Variants in NLGN1 observed in about 807,000 individuals in gnomAD.
The protein encoded by NLGN1 is neuroligin-1.
A neutral mutation model predicts 65.5 loss-of-function variants in NLGN1; 12 were observed. The observed-to-expected ratio is 0.18, with a 90% confidence interval of 0.12 to 0.30. The LOEUF (loss-of-function observed/expected upper bound fraction) is 0.30, where lower values mean the gene tolerates loss of function less well. Ranked by LOEUF, NLGN1 falls within the 10% of genes least tolerant of loss-of-function variation. The probability of loss-of-function intolerance (pLI) is 1.00; values close to 1 mark genes in which losing one functional copy is unlikely to be tolerated. For synonymous variants in NLGN1, 350 were observed against 359.5 expected (o/e 0.97, Z 0.30); for missense variants, 750 against 1,007.1 (o/e 0.74, Z 3.46).
chr3:173,939,647 A>G (rs886823098), intron 4 of NLGN1, among the ~76,000 whole-genome samples: 23 of 152,300 alleles, frequency 1.5e-4, no homozygotes, highest in Admixed American at 2.6e-4. Flanking sequence ...TGGTTTTCAT[A>G]TCCACTTTTC....
chr3:173,478,914 A>G (rs1160134374), intron 2 of NLGN1, among the ~76,000 whole-genome samples: 1 of 150,870 alleles, frequency 6.6e-6, no homozygotes, highest in Non-Finnish European at 1.5e-5. Flanking sequence ...AAAGAAAAAG[A>G]AAAAGAAAGA....
chr3:173,753,185 C>A (rs1469538799), intron 3 of NLGN1, among the ~76,000 whole-genome samples: 1 of 152,098 alleles, frequency 6.6e-6, no homozygotes, highest in African/African-American at 2.4e-5. Flanking sequence ...AGACTCCTGG[C>A]TTTAAATACT....
chr3:173,730,334 G>A (rs909880503), intron 3 of NLGN1, among the ~76,000 whole-genome samples: 4 of 68,356 alleles, frequency 5.9e-5, no homozygotes, highest in Admixed American at 1.5e-4. Flanking sequence ...CCCCCCCCCC[G>A]CAAAAATAGA....
intron 3 of NLGN1, among the ~76,000 whole-genome samples, chr3:173,747,801 C>CTTCTTTT (rs1775714048): frequency 1.6e-5 from 1 of 64,424 alleles, no homozygotes; most frequent in African/African-American, 6.2e-5. Context: ...TCTTCTTGTT[C>CTTCTTTT]TTTTTTTTTT....
intron 3 of NLGN1, among the ~76,000 whole-genome samples, chr3:173,750,145 C>T (rs1481305152): frequency 6.6e-6 from 1 of 152,042 alleles, no homozygotes; most frequent in Non-Finnish European, 1.5e-5. Flanking sequence ...TCGCCCTGTA[C>T]CAAAGCAATC....
intron 4 of NLGN1, among the ~76,000 whole-genome samples, chr3:173,862,706 G>A (rs895986599): frequency 6.6e-6 from 1 of 151,874 alleles, no homozygotes; most frequent in Admixed American, 6.6e-5. Flanking sequence ...TCTTTGTATT[G>A]TTTATATAAA....
At chr3:173,476,470 A>G (rs1392834203) in intron 2 of NLGN1, among the ~76,000 whole-genome samples, 3 of 152,186 alleles carry the variant, frequency 2.0e-5, no homozygotes, top group East Asian at 1.9e-4. Flanking sequence ...TTTGGTATAT[A>G]TGAGCCCATT....
intron 4 of NLGN1, among the ~76,000 whole-genome samples, chr3:174,015,605 A>G (rs1275993904): frequency 6.6e-6 from 1 of 152,158 alleles, no homozygotes; most frequent in Non-Finnish European, 1.5e-5. Context: ...ACTGTGTATA[A>G]AAATATTTGA....
chr3:173,519,525 C>T (rs1322396615), intron 2 of NLGN1, among the ~76,000 whole-genome samples: 2 of 152,238 alleles, frequency 1.3e-5, no homozygotes, highest in African/African-American at 4.8e-5. Flanking sequence ...CACAAGTGTG[C>T]CCTGGATGTG....
At chr3:174,242,153 A>G (rs1742999193) in intron 4 of NLGN1, among the ~76,000 whole-genome samples, 1 of 152,170 alleles carries the variant, frequency 6.6e-6, no homozygotes, top group South Asian at 2.1e-4. Flanking sequence ...TGTTGATAAT[A>G]ATACTGGCCT....
chr3:173,653,178 A>G lies in NLGN1; in HGVS notation c.493+48087A>G, dbSNP rs11928527. The stretch of plus-strand genomic sequence containing the variant: ...GGTTTTATAGATATAACATCATATC[A>G]TCAGTAAACAGAGATAATACAACTT... On this transcript the variant is annotated intron_variant, in intron 3 of 6. Coordinates refer to ENST00000457714, the Ensembl canonical transcript of NLGN1. Among the ~76,000 whole-genome samples, 1,265 of 152,324 alleles carry G rather than the reference A, an allele frequency of 8.3e-3. 21 individuals carry two copies. Among genetic ancestry groups the G allele is most frequent in the African/African-American group, 0.029 (1,223 of 41,576 alleles).
intron 3 of NLGN1, among the ~76,000 whole-genome samples, chr3:173,677,087 G>T (rs1244013351): frequency 6.6e-6 from 1 of 152,056 alleles, no homozygotes; most frequent in African/African-American, 2.4e-5. Context: ...TGAGACTTAG[G>T]GAAAGACTAT....
intron 2 of NLGN1, among the ~76,000 whole-genome samples, chr3:173,477,716 C>T (rs1026282298): frequency 1.3e-5 from 2 of 152,096 alleles, no homozygotes; most frequent in African/African-American, 4.8e-5. Context: ...TCATGCATTT[C>T]TCTAATGATA....
chr3:173,823,263 G>A (rs1720676468), intron 4 of NLGN1, among the ~76,000 whole-genome samples: 1 of 151,776 alleles, frequency 6.6e-6, no homozygotes, highest in African/African-American at 2.4e-5. Flanking sequence ...GATCGGTGCT[G>A]TCTAACAGAA....
chr3:173,600,216 C>CAT (rs1750237484), intron 2 of NLGN1, among the ~76,000 whole-genome samples: 1 of 151,854 alleles, frequency 6.6e-6, no homozygotes, highest in African/African-American at 2.4e-5. Flanking sequence ...CACACACACA[C>CAT]ACACACACAC....
At chr3:174,102,003 A>G (rs1352257143) in intron 4 of NLGN1, among the ~76,000 whole-genome samples, 10 of 152,206 alleles carry the variant, frequency 6.6e-5, no homozygotes, top group Admixed American at 6.6e-4. Flanking sequence ...CTTCAGACAG[A>G]GGGCATGATC....
intron 4 of NLGN1, among the ~76,000 whole-genome samples, chr3:174,270,914 C>T (rs1041683742): frequency 1.1e-4 from 17 of 151,806 alleles, no homozygotes; most frequent in African/African-American, 3.4e-4. Flanking sequence ...GCTATTTTTC[C>T]GATCCATATT....
Position 173,909,457 on chromosome 3 carries a change from C to G in NLGN1, c.646+101625C>G, listed in dbSNP as rs57829921. ...ATTTGTGTGTATCCTATGCCAGGCA[C>G]AGTCACAGTCCCTGGTGTCCTAGAC... On this transcript the variant is annotated intron_variant, in intron 4 of 6. Coordinates refer to ENST00000457714, the Ensembl canonical transcript of NLGN1. 0.012 allele frequency among the ~76,000 whole-genome samples: 1,761 copies of G among 152,250 alleles called. 95 individuals are homozygous for G. In the East Asian group the frequency reaches 0.18, roughly 15 times the overall value.
chr3:174,251,395 A>C (rs549038537), intron 4 of NLGN1, among the ~76,000 whole-genome samples: 1 of 152,308 alleles, frequency 6.6e-6, no homozygotes, highest in East Asian at 1.9e-4. Flanking sequence ...TAATTCATAA[A>C]GTAACTTTGT....
Sources: gnomAD v4.1 joint callset for allele counts (sites outside exome capture counted in the v4.1 genomes callset) on GRCh38, gnomAD v4.1.1 for gene constraint, MANE v1.5 for transcripts, NCBI Gene and HGNC (gene_info 2026-07-23, HGNC 2026-07-21) for gene names.